Variants in ANK3 observed in about 807,000 individuals in gnomAD.
The protein encoded by ANK3 is ankyrin-3.
In ANK3, 57 loss-of-function variants were observed where a neutral mutation model predicts 370.9. The observed-to-expected ratio is 0.15, with a 90% CI of 0.12 to 0.19. ANK3 has a LOEUF of 0.19. ANK3 is among the 10% of genes least tolerant of loss of function. The pLI is 1.00. For missense variants in ANK3, 4,439 were observed against 5,302.1 expected, an observed-to-expected ratio of 0.84 and a Z score of 5.06; for synonymous variants, 1,929 against 1,946.3, an observed-to-expected ratio of 0.99 and a Z score of 0.23.
chr10:60,487,130 C>T (rs979209466), intron 2 of ANK3, among the ~76,000 whole-genome samples: 2 of 152,074 alleles, frequency 1.3e-5, no homozygotes, highest in Non-Finnish European at 2.9e-5. Context: ...GGGAAAATAA[C>T]TAAACCAAAT....
chr10:60,225,924 T>C (rs1187531231), intron 8 of ANK3, among the ~76,000 whole-genome samples: 1 of 150,404 alleles, frequency 6.6e-6, no homozygotes, highest in African/African-American at 2.4e-5. Flanking sequence ...TTTGGGGGGA[T>C]AGTTGTTTTA....
chr10:60,653,229 GCCAAGGT>G (rs1215246419), intron 1 of ANK3, among the ~76,000 whole-genome samples: 1 of 152,104 alleles, frequency 6.6e-6, no homozygotes, highest in Non-Finnish European at 1.5e-5. Flanking sequence ...AGATCACAAA[GCCAAGGT>G]CACAAATATT....
At chr10:60,067,880 T>A in intron 38 of ANK3, 55 bp downstream of exon 38, 2 of 1,429,476 alleles carry the variant, frequency 1.4e-6, no homozygotes, top group Non-Finnish European at 1.9e-6. Context: ...TGCTTGTGAG[T>A]AAGACAAAGA....
intron 2 of ANK3, among the ~76,000 whole-genome samples, chr10:60,478,101 T>C (rs1210391429): frequency 2.6e-5 from 4 of 152,084 alleles, no homozygotes; most frequent in Non-Finnish European, 4.4e-5. Flanking sequence ...TCATCATTAA[T>C]CTTCAAAGAG....
chr10:60,502,597 C>G (rs2075828512), intron 2 of ANK3, among the ~76,000 whole-genome samples: 1 of 152,026 alleles, frequency 6.6e-6, no homozygotes, highest in African/African-American at 2.4e-5. Flanking sequence ...GGAAGCCCGC[C>G]TGAGGCCAAA....
chr10:60,055,392 A>G (rs1409104753), intron 42 of ANK3, among the ~76,000 whole-genome samples: 1 of 152,190 alleles, frequency 6.6e-6, no homozygotes, highest in Non-Finnish European at 1.5e-5. Flanking sequence ...CCTCCTAAAA[A>G]TGGCTAAACA....
chr10:60,118,988 T>C (rs968385356), intron 25 of ANK3, among the ~76,000 whole-genome samples: 1 of 152,222 alleles, frequency 6.6e-6, no homozygotes, highest in Non-Finnish European at 1.5e-5. Context: ...CTGCCACTCA[T>C]TGAAGCTTTG....
intron 28 of ANK3, among the ~76,000 whole-genome samples, chr10:60,095,909 C>T (rs1409570556): frequency 1.3e-5 from 2 of 152,152 alleles, no homozygotes; most frequent in African/African-American, 4.8e-5. Context: ...TACAGTGGCT[C>T]ATGCCTGTAA....
At chr10:60,663,536 A>ATTC (rs2078961363) in intron 1 of ANK3, among the ~76,000 whole-genome samples, 1 of 152,144 alleles carries the variant, frequency 6.6e-6, no homozygotes, top group Non-Finnish European at 1.5e-5. Context: ...GCTTGGAGGG[A>ATTC]AGCCCCAGGG....
At chr10:60,486,122 G>A (rs547758330) in intron 2 of ANK3, among the ~76,000 whole-genome samples, 1 of 152,244 alleles carries the variant, frequency 6.6e-6, no homozygotes, top group East Asian at 1.9e-4. Flanking sequence ...ACTAGAAGCA[G>A]TATTTCTGAA....
intron 23 of ANK3, among the ~76,000 whole-genome samples, chr10:60,142,035 T>C (rs2248570): frequency 0.91 from 138,122 of 152,224 alleles, 62,871 homozygotes; most frequent in Non-Finnish European, 0.95. Context: ...TTTAAGTCTG[T>C]ATTTCGAATC....
chr10:60,414,245 T>C (rs1301189494), intron 2 of ANK3, among the ~76,000 whole-genome samples: 1 of 152,166 alleles, frequency 6.6e-6, no homozygotes, highest in Non-Finnish European at 1.5e-5. Flanking sequence ...GTAGAATAGA[T>C]TCAATCCTGT....
intron 23 of ANK3, among the ~76,000 whole-genome samples, chr10:60,157,462 G>A (rs1239993168): frequency 6.6e-6 from 1 of 151,502 alleles, no homozygotes; most frequent in Non-Finnish European, 1.5e-5. Context: ...AACACTGCAA[G>A]TACTTGGGAT....
In ANK3 at chr10:60,109,084, A is replaced by G. The variant is rs751719547; in HGVS notation, c.2949-30T>C. The G allele has an allele frequency of 3.8e-6, 6 of 1,574,482 alleles. No individual in the cohort carries two copies. The Admixed American group carries it at 1.0e-4, about 26-fold the overall frequency. On this transcript the variant is annotated intron_variant, in intron 26 of 43. Coordinates refer to ENST00000280772, the MANE Select transcript of ANK3 (RefSeq NM_020987.5). ...GGGGAGAAGATCAGAGGCCAATTCA[A>G]GGACGGAAATAAACTGTGCTCACAG...
chr10:60,528,134 C>CTTTTTTTTTTTTTTTTTTTT (rs35837089), intron 2 of ANK3, among the ~76,000 whole-genome samples: 2 of 124,264 alleles, frequency 1.6e-5, no homozygotes, highest in Non-Finnish European at 1.7e-5. Context: ...TTTTCTTCTT[C>CTTTTTTTTTTTTTTTTTTTT]TTCTTTTTTT....
chr10:60,275,055 G>A (rs975319592), intron 4 of ANK3, among the ~76,000 whole-genome samples: 5 of 152,132 alleles, frequency 3.3e-5, no homozygotes, highest in Non-Finnish European at 5.9e-5. Flanking sequence ...AGAATGGTCA[G>A]ATTTCAAAAT....
intron 1 of ANK3, among the ~76,000 whole-genome samples, chr10:60,306,968 G>A (rs1349201599): frequency 2.0e-5 from 3 of 151,984 alleles, no homozygotes; most frequent in Non-Finnish European, 2.9e-5. Flanking sequence ...GGCCTCAAGC[G>A]ATCTACCCGC....
intron 7 of ANK3, among the ~76,000 whole-genome samples, chr10:60,260,615 C>G (rs1369849894): frequency 6.6e-6 from 1 of 152,130 alleles, no homozygotes; most frequent in Non-Finnish European, 1.5e-5. Flanking sequence ...GTGATTGGAT[C>G]ATGGGGAAGG....
rs751738864 is a variant in ANK3 at position 60,073,531 on chromosome 10, G to A, written c.7350C>T (p.Asp2450=). 26 of 1,613,970 alleles carry A rather than the reference G, an allele frequency of 1.6e-5. No individual in the cohort carries two copies. Among genetic ancestry groups the A allele is most frequent in the South Asian group, 9.9e-5 (9 of 91,078 alleles). Residue 2450 remains aspartate (D), a synonymous_variant, in exon 37 of 44, where the codon GAC becomes GAT. Transcript: ENST00000280772. ...CCCCTCTTAGTTCTGACAACTCATC[G>A]TCATGGTATTCTATTGAGTGTTGAC... ...LLSQHSIEYH[D]DELSELRGES...
Sources: allele counts gnomAD v4.1 joint callset (sites outside exome capture counted in the v4.1 genomes callset), GRCh38; gene constraint gnomAD v4.1.1; transcripts MANE v1.5; gene names NCBI Gene and HGNC (gene_info 2026-07-23, HGNC 2026-07-21).